The following DGKD variants were observed in gnomAD, a reference collection of about 807,000 sequenced individuals.
The protein encoded by DGKD is DAG kinase delta.
Under a neutral mutation model 154.4 loss-of-function variants are expected in DGKD, and 68 were observed. The observed-to-expected ratio is 0.44, with a 90% confidence interval of 0.36 to 0.54. The LOEUF is 0.54. Ranked by LOEUF, DGKD falls within the 20% of genes least tolerant of loss-of-function variation. The pLI, the probability that DGKD is intolerant of heterozygous loss-of-function variation, is 0.00. For synonymous variants in DGKD, 693 were observed against 638.0 expected, an observed-to-expected ratio of 1.09 and a Z score of -1.30; for missense variants, 1,343 against 1,593.6, an observed-to-expected ratio of 0.84 and a Z score of 2.68.
In DGKD at chr2:233,440,770, G is replaced by A. The variant is rs1179493394; in HGVS notation, c.1086-1117G>A. On this transcript the variant is annotated intron_variant, in intron 9 of 29. Coordinates refer to ENST00000264057, the MANE Select transcript of DGKD (RefSeq NM_152879.3). The surrounding 1 kb of genome is among the most constrained non-coding windows in gnomAD (Gnocchi z 4.9). ...GCAGCCTCATAAAGCAAGGCCCGTG[G>A]CCAGGCTCGTGTTTTAGAAAGGTCT... is the stretch of plus-strand genomic sequence containing the variant. 6.6e-6 allele frequency among the ~76,000 whole-genome samples: 1 copy of A among 152,222 alleles called. No individual in the cohort carries two copies. The highest frequency in any genetic ancestry group is 1.5e-5 in the Non-Finnish European group (1 of 68,042).
chr2:233,390,058 C>T (rs1213632959), intron 2 of DGKD, among the ~76,000 whole-genome samples: 1 of 152,196 alleles, frequency 6.6e-6, no homozygotes, highest in Non-Finnish European at 1.5e-5. Context: ...ACATACTTCA[C>T]ATGTAAAAGT....
chr2:233,461,361 GC>G (rs2063635682), intron 24 of DGKD, among the ~76,000 whole-genome samples: 1 of 152,256 alleles, frequency 6.6e-6, no homozygotes, highest in African/African-American at 2.4e-5. Flanking sequence ...CAGGCAGCCT[GC>G]CCAGCCCTGG....
intron 1 of DGKD, among the ~76,000 whole-genome samples, chr2:233,366,706 C>G (rs1486136968): frequency 1.3e-5 from 2 of 152,114 alleles, no homozygotes; most frequent in African/African-American, 4.8e-5. Context: ...CTCCCCAGCC[C>G]CCAGTCATGC....
intron 3 of DGKD, among the ~76,000 whole-genome samples, chr2:233,416,246 C>T (rs767515478): frequency 5.3e-5 from 8 of 152,302 alleles, no homozygotes; most frequent in East Asian, 1.9e-4. Context: ...TTTCCCTCCT[C>T]GTGTGGCTTT....
In DGKD at chr2:233,438,747, C is replaced by T. The variant is rs1008639072; in HGVS notation, c.1085+368C>T. Among the ~76,000 whole-genome samples, 2 of 81,108 alleles carry T rather than the reference C, an allele frequency of 2.5e-5. No homozygotes were observed. The highest frequency in any genetic ancestry group is 5.2e-5 in the Non-Finnish European group (2 of 38,420). The allele number at this position is 81,108 out of a possible 152,430, so 53.2% of individuals were successfully genotyped here. A position where few individuals can be genotyped will look rare whatever the true frequency, so the allele number is the denominator to read the frequency against. On this transcript the variant is annotated intron_variant, in intron 9 of 29. Coordinates refer to ENST00000264057, the MANE Select transcript of DGKD (RefSeq NM_152879.3). This position sits in a 1 kb window ranked among gnomAD's most constrained non-coding sequence, Gnocchi z 4.1. ...ATTTTATAATTTTTTATTTATCTGTCTATCTATCATCTATCTATCTATCTA... is the reference window on the plus strand; with the variant it reads ...ATTTTATAATTTTTTATTTATCTGTTTATCTATCATCTATCTATCTATCTA...
chr2:233,383,014 G>A (rs932354145), intron 1 of DGKD, among the ~76,000 whole-genome samples: 1 of 151,088 alleles, frequency 6.6e-6, no homozygotes, highest in East Asian at 1.9e-4. Flanking sequence ...TTATCATTCC[G>A]TGGGAGTTTC....
chr2:233,394,012 T>C (rs1366612450), intron 3 of DGKD, among the ~76,000 whole-genome samples: 1 of 152,170 alleles, frequency 6.6e-6, no homozygotes, highest in Non-Finnish European at 1.5e-5. Context: ...TTACGAAATA[T>C]GTTGTTCAAG....
At position 233,446,746 on chromosome 2, in the gene DGKD, C is replaced by G. The variant is rs771782562; in HGVS notation, c.1369C>G (p.Arg457Gly). The G allele has an allele frequency of 1.9e-6, 3 of 1,614,162 alleles. No homozygotes were observed. The highest frequency in any genetic ancestry group is 1.7e-6 in the Non-Finnish European group (2 of 1,180,022). Residue 457 changes from arginine to glycine, a missense_variant, in exon 12 of 30, where the codon CGG (arginine) becomes GGG (glycine). By Grantham distance (125) the Arg-to-Gly change is moderately radical (BLOSUM62 -2). Transcript: ENST00000264057. ...CATGGCATACGAGGCCAAGCTCCCC[C>G]GGCAGGCCTCCTCCTCTACCGTCAC... The part of the protein sequence containing the change: ...SVMAYEAKLP[R>G]QASSSTVTED...
intron 1 of DGKD, among the ~76,000 whole-genome samples, chr2:233,373,034 G>T (rs182270972): frequency 7.2e-5 from 11 of 152,276 alleles, no homozygotes; most frequent in African/African-American, 2.6e-4. Context: ...GATAAAATGG[G>T]TACTGCGGGC....
At chr2:233,468,298 G>C in intron 28 of DGKD, 125 bp from the exon 29 acceptor site, 2 of 1,194,476 alleles carry the variant, frequency 1.7e-6, no homozygotes, top group East Asian at 2.5e-5. Flanking sequence ...GGGCTGTCTC[G>C]GGTGCTGGCT....
chr2:233,419,566 A>T (rs1371666475), intron 3 of DGKD: 1 of 505,778 alleles, frequency 2.0e-6, no homozygotes, highest in African/African-American at 2.1e-5. Context: ...TATGTCTTAG[A>T]AATGGAAGGC....
rs139035382 is a variant in DGKD, at chr2:233,443,699, C to T, written c.1194+1704C>T. Among the ~76,000 whole-genome samples, 633 of 152,348 alleles carry T rather than the reference C, an allele frequency of 4.2e-3. 6 individuals carry two copies. The highest frequency in any genetic ancestry group is 0.014 in the African/African-American group (596 of 41,588). ...GATTTGACAGCTCGGGCCGTGAGGCCAGTGGCTCAGGAGGAGAAGTGGTGC... is the reference window on the plus strand; with the variant it reads ...GATTTGACAGCTCGGGCCGTGAGGCTAGTGGCTCAGGAGGAGAAGTGGTGC... On this transcript the variant is annotated intron_variant, in intron 10 of 29. Coordinates refer to ENST00000264057, the MANE Select transcript of DGKD (RefSeq NM_152879.3).
chr2:233,388,184 G>T, intron 1 of DGKD, 73 bp from the exon 2 acceptor site: 1 of 1,576,188 alleles, frequency 6.3e-7, no homozygotes, highest in Non-Finnish European at 8.6e-7. Flanking sequence ...GCCGCAACAG[G>T]CTGCGTTTCA....
intron 3 of DGKD, among the ~76,000 whole-genome samples, chr2:233,401,822 A>G (rs2061564170): frequency 6.9e-6 from 1 of 145,498 alleles, no homozygotes; most frequent in African/African-American, 2.5e-5. Flanking sequence ...CAGGAGGCTG[A>G]GGCACAAGAA....
intron 1 of DGKD, among the ~76,000 whole-genome samples, chr2:233,383,442 T>C (rs1449625823): frequency 1.3e-5 from 2 of 152,220 alleles, no homozygotes; most frequent in Non-Finnish European, 2.9e-5. Flanking sequence ...TTTATCTCTT[T>C]CTGAGGTGTC....
chr2:233,439,618 C>G (rs925959810), intron 9 of DGKD, among the ~76,000 whole-genome samples: 2 of 152,206 alleles, frequency 1.3e-5, no homozygotes, highest in Non-Finnish European at 2.9e-5. Context: ...GCTGAGTACA[C>G]TGGTGCAATC....
intron 17 of DGKD, among the ~76,000 whole-genome samples, chr2:233,451,535 C>G (rs1395051751): frequency 1.3e-5 from 2 of 151,076 alleles, no homozygotes; most frequent in South Asian, 4.2e-4. Flanking sequence ...GAGTGGCTTA[C>G]ATTTAATGAG....
chr2:233,467,786 A>T (rs1046524431), intron 28 of DGKD, among the ~76,000 whole-genome samples: 8 of 152,158 alleles, frequency 5.3e-5, no homozygotes, highest in African/African-American at 1.9e-4. Flanking sequence ...AAGCCTGGAT[A>T]TTGGGACTGG....
At position 233,458,305 on chromosome 2, in the gene DGKD, G is replaced by A. The variant is rs764501943; in HGVS notation, c.2602G>A (p.Asp868Asn). The part of the protein sequence containing the change: ...EDDTFAAPSF[D>N]DKILEVVAVF... ...GCAGACTTTCGCAGCTCCATCATTC[G>A]ATGACAAGATTCTGGAGGTGGTCGC... is the stretch of plus-strand genomic sequence containing the variant. The change falls in exon 22 of 30, where the codon GAT (aspartate) becomes AAT (asparagine). Residue 868 changes from aspartate (D) to asparagine (N), a missense_variant. Around this residue, in one of 6 missense-constraint regions of DGKD, gnomAD observed 429 missense variants for 496.3 expected, o/e 0.86. Transcript: ENST00000264057. The surrounding 1 kb of genome is among the most constrained non-coding windows in gnomAD (Gnocchi z 6.6). The A allele has an allele frequency of 6.2e-7, 1 of 1,612,624 alleles. No individual in the cohort carries two copies. The highest frequency in any genetic ancestry group is 8.5e-7 in the Non-Finnish European group (1 of 1,179,552).
Sources: gnomAD v4.1 joint callset for allele counts (sites outside exome capture counted in the v4.1 genomes callset) on GRCh38, gnomAD v4.1.1 for gene constraint, gnomAD v4.1.1 regional missense constraint, Gnocchi (gnomAD v3.1) non-coding constraint, MANE v1.5 for transcripts, NCBI Gene and HGNC (gene_info 2026-07-23, HGNC 2026-07-21) for gene names.